The following CERS6 variants were observed in gnomAD, a reference collection of about 807,000 sequenced individuals.
CERS6 encodes the protein LAG1 homolog, ceramide synthase 6.
A neutral mutation model predicts 56.8 loss-of-function variants in CERS6; 26 were observed. The ratio of observed to expected loss-of-function variants is 0.46; its 90% CI spans 0.34 to 0.63. The LOEUF is 0.63. Among genes scored for constraint, CERS6 ranks in the 30% least tolerant of loss-of-function variants. CERS6 has a pLI of 0.01. For missense variants in CERS6, 415 were observed against 467.5 expected, an observed-to-expected ratio of 0.89 and a Z score of 1.04; for synonymous variants, 164 against 173.3, an observed-to-expected ratio of 0.95 and a Z score of 0.42.
intron 8 of CERS6, among the ~76,000 whole-genome samples, chr2:168,742,280 A>G (rs1683935669): frequency 6.6e-6 from 1 of 152,208 alleles, no homozygotes; most frequent in Non-Finnish European, 1.5e-5. Context: ...AGTTTTTGCT[A>G]AAACTAAAGT....
intron 5 of CERS6, among the ~76,000 whole-genome samples, chr2:168,693,717 T>G (rs556720732): frequency 2.6e-5 from 4 of 151,764 alleles, no homozygotes; most frequent in Non-Finnish European, 5.9e-5. Context: ...ACTAACCCCA[T>G]TCATGGGGGC....
intron 6 of CERS6, among the ~76,000 whole-genome samples, chr2:168,711,678 G>C (rs907819246): frequency 2.7e-5 from 4 of 147,280 alleles, no homozygotes; most frequent in Non-Finnish European, 5.9e-5. Context: ...AGGTTGCAGT[G>C]AGCTGAGATC....
intron 6 of CERS6, among the ~76,000 whole-genome samples, chr2:168,695,479 G>A (rs142048593): frequency 1.2e-4 from 19 of 152,274 alleles, no homozygotes; most frequent in African/African-American, 4.6e-4. Flanking sequence ...CGGAAATGCA[G>A]CATTCCTCAG....
chr2:168,516,425 T>A (rs1009045887), intron 1 of CERS6, among the ~76,000 whole-genome samples: 5 of 152,160 alleles, frequency 3.3e-5, no homozygotes, highest in Non-Finnish European at 7.3e-5. Context: ...TGGCTGCAAT[T>A]TTTTGAGTGT....
At chr2:168,601,882 A>G (rs984135463) in intron 3 of CERS6, among the ~76,000 whole-genome samples, 6 of 152,220 alleles carry the variant, frequency 3.9e-5, no homozygotes, top group African/African-American at 1.4e-4. Context: ...CTTAAAAAAC[A>G]AATTTTATTC....
At chr2:168,633,608 A>G (rs1684798830) in intron 4 of CERS6, among the ~76,000 whole-genome samples, 1 of 152,172 alleles carries the variant, frequency 6.6e-6, no homozygotes, top group Non-Finnish European at 1.5e-5. Context: ...ACCTAGCTGA[A>G]TCATTATTGC....
intron 9 of CERS6, 47 bp from the exon 10 acceptor site, chr2:168,769,463 G>C: frequency 6.7e-7 from 1 of 1,498,864 alleles, no homozygotes; most frequent in Non-Finnish European, 8.9e-7. Context: ...GCCATACCTT[G>C]ATGATTTCTT....
intron 4 of CERS6, among the ~76,000 whole-genome samples, chr2:168,639,032 C>G (rs1371545766): frequency 6.6e-6 from 1 of 151,736 alleles, no homozygotes; most frequent in African/African-American, 2.4e-5. Context: ...TTTGTAGAAA[C>G]TCTAGAAATA....
intron 3 of CERS6, among the ~76,000 whole-genome samples, chr2:168,604,523 A>G (rs539151900): frequency 1.3e-5 from 2 of 152,166 alleles, no homozygotes; most frequent in Non-Finnish European, 2.9e-5. Flanking sequence ...TCCCCAGCCA[A>G]ATCTCATGTT....
chr2:168,758,459 C>A (rs1306810045), intron 8 of CERS6, among the ~76,000 whole-genome samples: 1 of 152,026 alleles, frequency 6.6e-6, no homozygotes, highest in Admixed American at 6.5e-5. Context: ...CAAAAACATA[C>A]AACCCAAGGC....
chr2:168,735,028 A>G (rs746658534), intron 8 of CERS6, among the ~76,000 whole-genome samples: 2 of 152,256 alleles, frequency 1.3e-5, no homozygotes, highest in African/African-American at 2.4e-5. Context: ...GGAGTTAAAC[A>G]TAAAGTATCA....
chr2:168,571,463 G>C (rs1695985109), intron 3 of CERS6, among the ~76,000 whole-genome samples: 1 of 152,114 alleles, frequency 6.6e-6, no homozygotes. Flanking sequence ...GATGGTGGTA[G>C]TGGAGGATGG....
intron 1 of CERS6, among the ~76,000 whole-genome samples, chr2:168,545,968 C>T (rs942738249): frequency 2.0e-5 from 3 of 152,170 alleles, no homozygotes; most frequent in Non-Finnish European, 4.4e-5. Context: ...CAGTTGTGTC[C>T]TTCACACCAA....
intron 4 of CERS6, among the ~76,000 whole-genome samples, chr2:168,658,106 C>G (rs1685536961): frequency 6.6e-6 from 1 of 152,192 alleles, no homozygotes; most frequent in South Asian, 2.1e-4. Flanking sequence ...TTGCAAATTA[C>G]CTAAACTTCT....
intron 3 of CERS6, among the ~76,000 whole-genome samples, chr2:168,583,229 G>A (rs1003173578): frequency 6.6e-6 from 1 of 152,152 alleles, no homozygotes; most frequent in African/African-American, 2.4e-5. Flanking sequence ...AGATAGTGAT[G>A]GGGAGGGCGT....
At chr2:168,490,957 C>T (rs1013535151) in intron 1 of CERS6, among the ~76,000 whole-genome samples, 1 of 152,174 alleles carries the variant, frequency 6.6e-6, no homozygotes, top group African/African-American at 2.4e-5. Flanking sequence ...CTTCTTTTCA[C>T]TGTTTTGTGA....
chr2:168,748,512 A>C (rs1172395302), intron 8 of CERS6, among the ~76,000 whole-genome samples: 1 of 152,206 alleles, frequency 6.6e-6, no homozygotes, highest in African/African-American at 2.4e-5. Context: ...GTTTGCAGTG[A>C]TTTCTGCAAA....
At chr2:168,507,755 A>G (rs575171928) in intron 1 of CERS6, among the ~76,000 whole-genome samples, 13 of 152,284 alleles carry the variant, frequency 8.5e-5, no homozygotes, top group Admixed American at 7.8e-4. Context: ...TAGCAAAATG[A>G]TGCTTTCTAC....
intron 1 of CERS6, among the ~76,000 whole-genome samples, chr2:168,494,429 A>G (rs1220021996): frequency 6.6e-6 from 1 of 152,216 alleles, no homozygotes; most frequent in Non-Finnish European, 1.5e-5. Flanking sequence ...GAGGATAAAA[A>G]TGGTGTGTAT....
Sources: gnomAD v4.1 joint callset for allele counts (sites outside exome capture counted in the v4.1 genomes callset) on GRCh38, gnomAD v4.1.1 for gene constraint, MANE v1.5 for transcripts, NCBI Gene and HGNC (gene_info 2026-07-23, HGNC 2026-07-21) for gene names.